YPEL2: variants seen among roughly 807,000 people sequenced by gnomAD.
YPEL2 encodes the protein yippee like 2.
YPEL2 carries 2 observed loss-of-function variants against 19.1 expected under a neutral mutation model. The observed-to-expected ratio is 0.10, with a 90% CI of 0.04 to 0.33. YPEL2 has a LOEUF of 0.33. Ranked by LOEUF, YPEL2 falls within the 10% of genes least tolerant of loss-of-function variation. The probability of loss-of-function intolerance (pLI) is 1.00; values close to 1 mark genes in which losing one functional copy is unlikely to be tolerated. For missense variants in YPEL2, 66 were observed against 140.7 expected (o/e 0.47, Z 2.68); for synonymous variants, 52 against 50.0 (o/e 1.04, Z -0.17).
chr17:59,393,357 C>T (rs1410929435), intron 4 of YPEL2, among the ~76,000 whole-genome samples: 1 of 148,618 alleles, frequency 6.7e-6, no homozygotes, highest in Non-Finnish European at 1.5e-5. Flanking sequence ...AGGCTGGTCT[C>T]AAACCGGCCT....
chr17:59,340,001 G>C (rs565075697), intron 1 of YPEL2, among the ~76,000 whole-genome samples: 1 of 151,834 alleles, frequency 6.6e-6, no homozygotes, highest in Admixed American at 6.6e-5. Context: ...TTTGGGCTGC[G>C]TATGAGGGCT....
At chr17:59,357,140 G>A (rs899977527) in intron 2 of YPEL2, among the ~76,000 whole-genome samples, 8 of 152,262 alleles carry the variant, frequency 5.3e-5, no homozygotes, top group South Asian at 4.1e-4. Flanking sequence ...TGGGTGGTTT[G>A]CAAATTACAA....
At chr17:59,365,096 A>G (rs768371424) in intron 2 of YPEL2, among the ~76,000 whole-genome samples, 5 of 152,166 alleles carry the variant, frequency 3.3e-5, no homozygotes, top group African/African-American at 4.8e-5. Flanking sequence ...GTGTTATTCT[A>G]TGAATAGTCA....
At position 59,358,686 on chromosome 17, in the gene YPEL2, C is replaced by T. The variant is rs560610384; in HGVS notation, c.117+5160C>T. Among the ~76,000 whole-genome samples, 8 of 152,010 alleles carry T rather than the reference C, an allele frequency of 5.3e-5. No homozygotes were observed. In the East Asian group the frequency reaches 7.7e-4, roughly 15 times the overall value. ...GTACAGTGGCACAATCTTGACTTAC[C>T]GCAACCTCTGCCTCCCAGGTTCAAG... On this transcript the variant is annotated intron_variant, in intron 2 of 4. Transcript: ENST00000312655.
At chr17:59,346,944 C>T (rs756159922) in intron 1 of YPEL2, among the ~76,000 whole-genome samples, 5 of 152,106 alleles carry the variant, frequency 3.3e-5, no homozygotes, top group Non-Finnish European at 7.3e-5. Flanking sequence ...AGGAGTGGTA[C>T]AAGTTGCCAA....
chr17:59,391,044 C>T (rs1219854089), intron 4 of YPEL2, among the ~76,000 whole-genome samples: 4 of 152,098 alleles, frequency 2.6e-5, no homozygotes, highest in Non-Finnish European at 5.9e-5. Flanking sequence ...TCAGCCTGCA[C>T]GTGTACATCC....
intron 1 of YPEL2, among the ~76,000 whole-genome samples, chr17:59,352,464 G>T (rs534594707): frequency 1.3e-5 from 2 of 152,342 alleles, no homozygotes; most frequent in Admixed American, 1.3e-4. Flanking sequence ...GTAATGGAAA[G>T]TCTAAGGGCT....
intron 4 of YPEL2, among the ~76,000 whole-genome samples, chr17:59,390,990 G>A (rs1246381694): frequency 6.6e-6 from 1 of 152,194 alleles, no homozygotes; most frequent in African/African-American, 2.4e-5. Flanking sequence ...ATATGTCAGT[G>A]AAAATTAACT....
rs1415983233 is a variant in YPEL2 at position 59,399,863 on chromosome 17, G to C, written c.*2673G>C. On this transcript the variant is annotated 3_prime_UTR_variant, in exon 5 of 5. Transcript: ENST00000312655. ...CAAAGACCTCATTCATTCACCCCAG[G>C]TGGGTTGGGGTAATTGGAGTTTGTT... 6.6e-6 allele frequency: 1 copy of C among 152,622 alleles called. No individual in the cohort carries two copies. The highest frequency in any genetic ancestry group is 1.5e-5 in the Non-Finnish European group (1 of 68,060). 9.5% of individuals were successfully genotyped at this position (152,622 alleles called of 1,614,324 possible).
At chr17:59,383,184 T>A (rs2047958460) in intron 2 of YPEL2, among the ~76,000 whole-genome samples, 1 of 152,112 alleles carries the variant, frequency 6.6e-6, no homozygotes, top group Non-Finnish European at 1.5e-5. Context: ...TTTTAAAAAT[T>A]TTATTTTTAT....
At chr17:59,394,169 G>T (rs564945818) in intron 4 of YPEL2, among the ~76,000 whole-genome samples, 1 of 151,546 alleles carries the variant, frequency 6.6e-6, no homozygotes, top group Non-Finnish European at 1.5e-5. Context: ...CCTCCCGGAC[G>T]GGGCGGCTGG....
intron 2 of YPEL2, among the ~76,000 whole-genome samples, chr17:59,370,659 C>T (rs549881747): frequency 6.6e-6 from 1 of 152,292 alleles, no homozygotes; most frequent in Admixed American, 6.5e-5. Context: ...GCGTCTTACA[C>T]TGGGACCAAA....
chr17:59,393,793 G>A (rs1377040471), intron 4 of YPEL2, among the ~76,000 whole-genome samples: 1 of 150,236 alleles, frequency 6.7e-6, no homozygotes, highest in African/African-American at 2.5e-5. Flanking sequence ...AACCCTGAGT[G>A]GACACAGCAC....
intron 1 of YPEL2, among the ~76,000 whole-genome samples, chr17:59,352,003 TAGA>T (rs2047789823): frequency 6.6e-6 from 1 of 152,166 alleles, no homozygotes; most frequent in Admixed American, 6.5e-5. Flanking sequence ...AGTTTCGCCT[TAGA>T]AGATTTGGTT....
rs1235264803 is a variant in YPEL2 at position 59,400,331 on chromosome 17, T to C, written c.*3141T>C. 1 of 152,646 alleles carries C rather than the reference T, an allele frequency of 6.6e-6. No individual in the cohort carries two copies. Among genetic ancestry groups the C allele is most frequent in the Non-Finnish European group, 1.5e-5 (1 of 68,036 alleles). The allele number at this position is 152,646 out of a possible 1,614,324, so 9.5% of individuals were successfully genotyped here. A position where few individuals can be genotyped will look rare whatever the true frequency, so the allele number is the denominator to read the frequency against. ...AACAGTTGCTTGTAAAATATACTTT[T>C]GTAAATAATATTTAATTTTTTAAAT... On this transcript the variant is annotated 3_prime_UTR_variant, in exon 5 of 5. Transcript: ENST00000312655.
chr17:59,354,016 G>C, intron 2 of YPEL2: 4 of 241,918 alleles, frequency 1.7e-5, no homozygotes, highest in South Asian at 5.2e-5. Flanking sequence ...TTGAAGAGCT[G>C]ACCTTCTGGC....
intron 1 of YPEL2, among the ~76,000 whole-genome samples, chr17:59,341,000 C>A (rs1479960539): frequency 6.8e-6 from 1 of 148,082 alleles, no homozygotes; most frequent in Non-Finnish European, 1.5e-5. Context: ...CAGGCTTGAG[C>A]CACCGCACCC....
intron 2 of YPEL2, chr17:59,362,637 G>A (rs956571136): frequency 6.6e-6 from 1 of 152,142 alleles, no homozygotes; most frequent in Non-Finnish European, 1.5e-5. Context: ...TGCCTTTAAG[G>A]TTCCAATCAT....
intron 1 of YPEL2, among the ~76,000 whole-genome samples, chr17:59,349,387 G>A (rs1267408735): frequency 5.9e-5 from 8 of 135,998 alleles, no homozygotes; most frequent in East Asian, 2.2e-4. Context: ...TTGTTGAGAC[G>A]GAGTCTCGCT....
Sources: gnomAD v4.1 joint callset for allele counts (sites outside exome capture counted in the v4.1 genomes callset) on GRCh38, gnomAD v4.1.1 for gene constraint, MANE v1.5 for transcripts, NCBI Gene and HGNC (gene_info 2026-07-23, HGNC 2026-07-21) for gene names.